Variants in ARHGEF39 observed in about 807,000 individuals in gnomAD.
ARHGEF39 encodes the protein Rho guanine nucleotide exchange factor (GEF) 39.
In ARHGEF39, 45 loss-of-function variants were observed where a neutral mutation model predicts 47.5. That is an observed-to-expected ratio of 0.95 (90% confidence interval 0.75 to 1.22). The LOEUF (loss-of-function observed/expected upper bound fraction) is 1.22, where lower values mean the gene tolerates loss of function less well. Ranked by LOEUF, ARHGEF39 falls within the 50% of genes most tolerant of loss-of-function variation. The probability of loss-of-function intolerance (pLI) is 0.00; values close to 1 mark genes in which losing one functional copy is unlikely to be tolerated. For synonymous variants in ARHGEF39, 164 were observed against 167.8 expected (o/e 0.98, Z 0.17); for missense variants, 411 against 425.3 (o/e 0.97, Z 0.30).
chr9:35,661,178 G>C lies in ARHGEF39; in HGVS notation c.*809C>G, dbSNP rs769798574. 2.5e-6 allele frequency: 4 copies of C among 1,596,018 alleles called. No homozygotes were observed. Among genetic ancestry groups the C allele is most frequent in the East Asian group, 2.2e-5 (1 of 44,680 alleles). On this transcript the variant is annotated 3_prime_UTR_variant, in exon 9 of 9. Transcript: ENST00000378387. ...CTGAAGGTCGACTAAAACAAAGTCTGTTTTCATGATGGAGTGCTCCTGTGT... is the reference window on the plus strand; with the variant it reads ...CTGAAGGTCGACTAAAACAAAGTCTCTTTTCATGATGGAGTGCTCCTGTGT...
At position 35,660,289 on chromosome 9, in the gene ARHGEF39, C is replaced by A; in HGVS notation, c.*1698G>T. On this transcript the variant is annotated 3_prime_UTR_variant, in exon 9 of 9. Coordinates refer to ENST00000378387, the MANE Select transcript of ARHGEF39 (RefSeq NM_032818.3). ...GATTGTGATTCTCTGAGGTAAAAACCCAATCACTGTCTCCATCTCAAATTG... is the reference window on the plus strand; with the variant it reads ...GATTGTGATTCTCTGAGGTAAAAACACAATCACTGTCTCCATCTCAAATTG... 1.1e-6 allele frequency: 1 copy of A among 908,064 alleles called. No individual in the cohort carries two copies. The highest frequency in any genetic ancestry group is 1.7e-6 in the Non-Finnish European group (1 of 586,958). 56.3% of individuals were successfully genotyped at this position (908,064 alleles called of 1,614,324 possible). A position where few individuals can be genotyped will look rare whatever the true frequency, so the allele number is the denominator to read the frequency against.
rs941734146 is a variant in ARHGEF39 at position 35,660,234 on chromosome 9, A to C, written c.*1753T>G. The stretch of plus-strand genomic sequence containing the variant: ...TGTGTGGGACATAGGACGTCGCTTC[A>C]TATGCTGGGTGAGGAGCTAGATAGA... On this transcript the variant is annotated 3_prime_UTR_variant, in exon 9 of 9. Coordinates refer to ENST00000378387, the MANE Select transcript of ARHGEF39 (RefSeq NM_032818.3). 1 of 605,136 alleles carries C rather than the reference A, an allele frequency of 1.7e-6. No individual in the cohort carries two copies. Among genetic ancestry groups the C allele is most frequent in the Non-Finnish European group, 2.9e-6 (1 of 345,668 alleles). 37.5% of individuals were successfully genotyped at this position (605,136 alleles called of 1,614,324 possible). A position where few individuals can be genotyped will look rare whatever the true frequency, so the allele number is the denominator to read the frequency against.
rs1306518942 is a variant in ARHGEF39 at position 35,660,894 on chromosome 9, G to A, written c.*1093C>T. 6 of 1,614,046 alleles carry A rather than the reference G, an allele frequency of 3.7e-6. No homozygotes were observed. The highest frequency in any genetic ancestry group is 5.1e-6 in the Non-Finnish European group (6 of 1,180,048). ...GGGAGGCGAGTCTGCTGGAGGTGGA[G>A]ACAAAGTCTCTGAAACTGGAACATT... On this transcript the variant is annotated 3_prime_UTR_variant, in exon 9 of 9. Transcript: ENST00000378387.
chr9:35,662,164 G>T lies in ARHGEF39; in HGVS notation c.992+15C>A, dbSNP rs192748579. Reference sequence around the variant, plus strand: ...CCTCATCACAGCACCCTTCCTGGGGGAAGACACAACTTACCTGATAGCCCA... The same window carrying T: ...CCTCATCACAGCACCCTTCCTGGGGTAAGACACAACTTACCTGATAGCCCA... On this transcript the variant is annotated intron_variant, in intron 8 of 8. Transcript: ENST00000378387. 1.2e-6 allele frequency: 2 copies of T among 1,612,704 alleles called. No individual in the cohort carries two copies. The highest frequency in any genetic ancestry group is 8.5e-7 in the Non-Finnish European group (1 of 1,178,798).
At chr9:35,664,975 C>T (rs559801036) in intron 1 of ARHGEF39, 57 bp downstream of exon 1, 1 of 1,504,242 alleles carries the variant, frequency 6.6e-7, no homozygotes, top group Non-Finnish European at 8.9e-7. Context: ...CTCGCAGAGA[C>T]CCTCCCACAC....
chr9:35,664,105 CTTTA>C lies in ARHGEF39; in HGVS notation c.372_375del (p.Asn124LysfsTer40), dbSNP rs1312647483. ...TGAAGCCGTACAAACCTCCGGAAAC[CTTTA>C]TTTTTCTTTAGCTGCTCCTGGAGTG... is the stretch of plus-strand genomic sequence containing the variant. On this transcript the variant is annotated frameshift_variant, in exon 4 of 9. Coordinates refer to ENST00000378387, the MANE Select transcript of ARHGEF39 (RefSeq NM_032818.3). LOFTEE classifies it high-confidence loss of function. The C allele has an allele frequency of 6.2e-7, 1 of 1,613,964 alleles. No homozygotes were observed. Among genetic ancestry groups the C allele is most frequent in the Non-Finnish European group, 8.5e-7 (1 of 1,179,962 alleles).
chr9:35,663,009 C>T lies in ARHGEF39; in HGVS notation c.610G>A (p.Asp204Asn), dbSNP rs75513621. The T allele has an allele frequency of 1.2e-3, 1,885 of 1,611,042 alleles. 8 individuals carry two copies. Among genetic ancestry groups the T allele is most frequent in the Middle Eastern group, 5.6e-3 (34 of 6,022 alleles). ...GCCTGGACACGCCGAAGGTGCTGGT[C>T]ATTCTTCTGTTTCTGACCAATAGTA... The part of the protein sequence containing the change: ...VHTIGQKQKN[D>N]QHLRRVQALL... Residue 204 changes from aspartate (D) to asparagine (N), a missense_variant, in exon 6 of 9, where the codon GAC (aspartate) becomes AAC (asparagine). Coordinates refer to ENST00000378387, the MANE Select transcript of ARHGEF39 (RefSeq NM_032818.3).
rs1823945638 is a variant in ARHGEF39 at position 35,661,481 on chromosome 9, TA to T, written c.*505del. The T allele has an allele frequency of 1.3e-5, 6 of 468,594 alleles. No individual in the cohort carries two copies. Among genetic ancestry groups the T allele is most frequent in the Non-Finnish European group, 1.5e-5 (4 of 267,876 alleles). 29.0% of individuals were successfully genotyped at this position (468,594 alleles called of 1,614,324 possible). A position where few individuals can be genotyped will look rare whatever the true frequency, so the allele number is the denominator to read the frequency against. On this transcript the variant is annotated 3_prime_UTR_variant, in exon 9 of 9. Transcript: ENST00000378387. ...ACTTTACTCAAATCCAGTGGAAAAA[TA>T]AATGATAGAAACTATACACAACATA... is the stretch of plus-strand genomic sequence containing the variant.
Position 35,659,670 on chromosome 9 carries a change from C to T in ARHGEF39, c.*2317G>A, listed in dbSNP as rs1440502345. 1 of 152,116 alleles carries T rather than the reference C, an allele frequency of 6.6e-6. No individual in the cohort carries two copies. The highest frequency in any genetic ancestry group is 1.5e-5 in the Non-Finnish European group (1 of 68,048). The allele number at this position is 152,116 out of a possible 1,614,324, so 9.4% of individuals were successfully genotyped here. A position where few individuals can be genotyped will look rare whatever the true frequency, so the allele number is the denominator to read the frequency against. On this transcript the variant is annotated 3_prime_UTR_variant, in exon 9 of 9. Transcript: ENST00000378387. ...AATGAGCACTGACTGTAAAGACTGA[C>T]GTTAATAAACCAGAAAAAACTCAGG...
Position 35,661,086 on chromosome 9 carries a change from AGAAGGTG to A in ARHGEF39, c.*894_*900del, listed in dbSNP as rs1250399977. 4 of 1,614,116 alleles carry A rather than the reference AGAAGGTG, an allele frequency of 2.5e-6. No individual in the cohort carries two copies. Among genetic ancestry groups the A allele is most frequent in the Non-Finnish European group, 3.4e-6 (4 of 1,180,002 alleles). On this transcript the variant is annotated 3_prime_UTR_variant, in exon 9 of 9. Coordinates refer to ENST00000378387, the MANE Select transcript of ARHGEF39 (RefSeq NM_032818.3). Reference sequence around the variant, plus strand: ...CTGGGAGGTGGGGCGGGGACTACGGAGAAGGTGCAGCCAGGCTGTGGCAAAGGGCCCC... The same window carrying A: ...CTGGGAGGTGGGGCGGGGACTACGGACAGCCAGGCTGTGGCAAAGGGCCCC...
Position 35,664,510 on chromosome 9 carries a change from G to A in ARHGEF39, c.234-18C>T, listed in dbSNP as rs764542903. The A allele has an allele frequency of 6.3e-7, 1 of 1,582,016 alleles. No homozygotes were observed. Among genetic ancestry groups the A allele is most frequent in the African/African-American group, 1.4e-5 (1 of 73,498 alleles). On this transcript the variant is annotated intron_variant, in intron 2 of 8. Coordinates refer to ENST00000378387, the MANE Select transcript of ARHGEF39 (RefSeq NM_032818.3). ...GCAGCTCCCTGTGTGGGCAAGGACAGCAAAAGGGCAGCTCTAGAACCACTC... is the reference window on the plus strand; with the variant it reads ...GCAGCTCCCTGTGTGGGCAAGGACAACAAAAGGGCAGCTCTAGAACCACTC...
rs1207509674 is a variant in ARHGEF39, at chr9:35,662,265, C to A, written c.906G>T (p.Leu302=). The A allele has an allele frequency of 1.2e-6, 2 of 1,613,686 alleles. No individual in the cohort carries two copies. Among genetic ancestry groups the A allele is most frequent in the Admixed American group, 3.3e-5 (2 of 59,998 alleles). The change falls in exon 8 of 9, where the codon CTG becomes CTT. Residue 302 remains leucine, a splice_region_variant and synonymous_variant. Coordinates refer to ENST00000378387, the MANE Select transcript of ARHGEF39 (RefSeq NM_032818.3). ...SGGPCGGLLS[L]SFPHEKLLLM... ...GCAGTAGCTTCTCATGAGGGAAGGA[C>A]AGCTAGAGAGAGACCACCTCTTAGC...
chr9:35,661,173 A>T lies in ARHGEF39; in HGVS notation c.*814T>A, dbSNP rs1381164268. On this transcript the variant is annotated 3_prime_UTR_variant, in exon 9 of 9. Transcript: ENST00000378387. Reference sequence around the variant, plus strand: ...GACAGCTGAAGGTCGACTAAAACAAAGTCTGTTTTCATGATGGAGTGCTCC... The same window carrying T: ...GACAGCTGAAGGTCGACTAAAACAATGTCTGTTTTCATGATGGAGTGCTCC... 1 of 1,599,450 alleles carries T rather than the reference A, an allele frequency of 6.3e-7. No individual in the cohort carries two copies. The highest frequency in any genetic ancestry group is 1.3e-5 in the African/African-American group (1 of 74,454).
rs749093831 is a variant in ARHGEF39, at chr9:35,662,666, A to C, written c.749T>G (p.Leu250Arg). ...GGCCATGAGGAGCACATCAGTGAAG[A>C]GGAAGAACATGCGGGGCCGAGGCTC... ...HGEPRPRMFF[L>R]FTDVLLMAKP... is the part of the protein sequence containing the mutation. Residue 250 changes from leucine to arginine, a missense_variant, in exon 7 of 9, where the codon CTC becomes CGC. Physicochemically the swap from Leu to Arg is moderately radical, Grantham distance 102. Transcript: ENST00000378387. 5 of 1,609,172 alleles carry C rather than the reference A, an allele frequency of 3.1e-6. No homozygotes were observed. The highest frequency in any genetic ancestry group is 4.2e-6 in the Non-Finnish European group (5 of 1,177,788).
At chr9:35,663,540 A>T (rs1023091040) in intron 4 of ARHGEF39, 148 bp from the exon 5 acceptor site, 1 of 683,734 alleles carries the variant, frequency 1.5e-6, no homozygotes, top group Non-Finnish European at 2.5e-6. Flanking sequence ...TTCATGTAGG[A>T]CTCAGAACCA....
Position 35,659,609 on chromosome 9 carries a change from T to C in ARHGEF39, c.*2378A>G, listed in dbSNP as rs1823783406. 1 of 152,206 alleles carries C rather than the reference T, an allele frequency of 6.6e-6. No individual in the cohort carries two copies. 9.4% of individuals were successfully genotyped at this position (152,206 alleles called of 1,614,324 possible). Reference sequence around the variant, plus strand: ...CCTCAGGGCATTGCTTTAAGAGCACTACGTGTTCAGGAAACAACCAGAGAA... The same window carrying C: ...CCTCAGGGCATTGCTTTAAGAGCACCACGTGTTCAGGAAACAACCAGAGAA... On this transcript the variant is annotated 3_prime_UTR_variant, in exon 9 of 9. Transcript: ENST00000378387.
In ARHGEF39 at chr9:35,661,483, A is replaced by T. The variant is rs1000727643; in HGVS notation, c.*504T>A. On this transcript the variant is annotated 3_prime_UTR_variant, in exon 9 of 9. Transcript: ENST00000378387. ...TTTACTCAAATCCAGTGGAAAAATA[A>T]ATGATAGAAACTATACACAACATAA... is the stretch of plus-strand genomic sequence containing the variant. 1.9e-5 allele frequency: 9 copies of T among 471,850 alleles called. No individual in the cohort carries two copies. The highest frequency in any genetic ancestry group is 1.9e-4 in the Admixed American group (5 of 26,446). The allele number at this position is 471,850 out of a possible 1,614,324, so 29.2% of individuals were successfully genotyped here.
At position 35,662,995 on chromosome 9, in the gene ARHGEF39, C is replaced by T. The variant is rs536715436; in HGVS notation, c.624G>A (p.Arg208=). ...GTCCACTGAGCAGAGCCTGGACACG[C>T]CGAAGGTGCTGGTCATTCTTCTGTT... ...GQKQKNDQHL[R]RVQALLSGRQ... Residue 208 remains arginine, a synonymous_variant, in exon 6 of 9, where the codon CGG becomes CGA. Transcript: ENST00000378387. 5 of 1,614,036 alleles carry T rather than the reference C, an allele frequency of 3.1e-6. No individual in the cohort carries two copies. In the South Asian group the frequency reaches 5.5e-5, roughly 18 times the overall value.
intron 1 of ARHGEF39, 67 bp downstream of exon 1, chr9:35,664,965 C>G (rs1451392348): frequency 2.0e-6 from 3 of 1,506,772 alleles, no homozygotes; most frequent in Non-Finnish European, 2.7e-6. Context: ...GGTTACCGAC[C>G]TCGCAGAGAC....
Sources: allele counts gnomAD v4.1 joint callset, GRCh38; gene constraint gnomAD v4.1.1; transcripts MANE v1.5; gene names NCBI Gene and HGNC (gene_info 2026-07-23, HGNC 2026-07-21).